MYCT1: variants seen among roughly 807,000 people sequenced by gnomAD.
MYCT1 encodes MYC target 1, also known as myc target protein 1.
In MYCT1, 12 loss-of-function variants were observed where a neutral mutation model predicts 15.0. That is an observed-to-expected ratio of 0.80 (90% CI 0.51 to 1.29). The LOEUF (loss-of-function observed/expected upper bound fraction) is 1.29. MYCT1 is among the 50% of genes most tolerant of loss of function. The probability of loss-of-function intolerance (pLI) is 0.00; values close to 1 mark genes in which losing one functional copy is unlikely to be tolerated. For missense variants in MYCT1, 287 were observed against 279.1 expected (o/e 1.03, Z -0.20); for synonymous variants, 104 against 102.7 (o/e 1.01, Z -0.07).
At chr6:152,727,210 CAA>C (rs1187850671), downstream of MYCT1, among the ~76,000 whole-genome samples, 5 of 78,246 alleles carry the variant, frequency 6.4e-5, no homozygotes, top group Admixed American at 1.4e-4. Flanking sequence ...GACTCAGTCT[CAA>C]AAAAAAAAAA....
the MYCT1 span, among the ~76,000 whole-genome samples, chr6:152,740,356 A>G: frequency 5.3e-5 from 8 of 152,094 alleles, no homozygotes; most frequent in Non-Finnish European, 1.2e-4. Flanking sequence ...GGCCGGAAAT[A>G]TTATAATTAT....
chr6:152,707,454 C>T (rs1447783001), intron 1 of MYCT1, among the ~76,000 whole-genome samples: 2 of 151,970 alleles, frequency 1.3e-5, no homozygotes, highest in East Asian at 3.8e-4. Context: ...ATTCTGTAGG[C>T]GTCTCTTCTC....
chr6:152,728,086 T>C (rs573948948), downstream of MYCT1, among the ~76,000 whole-genome samples: 3 of 150,104 alleles, frequency 2.0e-5, no homozygotes, highest in East Asian at 5.9e-4. Flanking sequence ...ATCCCTTGAA[T>C]CTAGAAGGCA....
chr6:152,732,834 A>T, the MYCT1 span, among the ~76,000 whole-genome samples: 2 of 152,318 alleles, frequency 1.3e-5, no homozygotes, highest in East Asian at 3.9e-4. Flanking sequence ...CCACAAGCCA[A>T]GGAATGCCAG....
intron 1 of MYCT1, among the ~76,000 whole-genome samples, chr6:152,714,182 C>T (rs1164510493): frequency 1.3e-5 from 2 of 151,860 alleles, no homozygotes; most frequent in Non-Finnish European, 2.9e-5. Context: ...CTCCTGCCCA[C>T]TCTTTTTCCC....
At chr6:152,746,421 G>A in the MYCT1 span, among the ~76,000 whole-genome samples, 1 of 152,220 alleles carries the variant, frequency 6.6e-6, no homozygotes, top group African/African-American at 2.4e-5. Flanking sequence ...GGACTGGGCA[G>A]GATGGCAGAA....
chr6:152,740,644 C>T, the MYCT1 span, among the ~76,000 whole-genome samples: 1 of 152,172 alleles, frequency 6.6e-6, no homozygotes, highest in Admixed American at 6.5e-5. Context: ...TTACTCTCTT[C>T]CAAAAGAGGC....
chr6:152,744,534 A>T, the MYCT1 span, among the ~76,000 whole-genome samples: 1 of 152,188 alleles, frequency 6.6e-6, no homozygotes, highest in African/African-American at 2.4e-5. Flanking sequence ...GTAGCGAGTA[A>T]TCCATGAATG....
intron 1 of MYCT1, among the ~76,000 whole-genome samples, chr6:152,720,113 T>G (rs1053868566): frequency 6.6e-6 from 1 of 151,866 alleles, no homozygotes; most frequent in Non-Finnish European, 1.5e-5. Flanking sequence ...AGCATCTGAA[T>G]TATCTAGGAT....
In MYCT1 at chr6:152,723,819, T is replaced by G. The variant is rs2099725142; in HGVS notation, c.*1566T>G. ...TTACTCAAAAAGTCTGTGGTTCATT[T>G]CCAGTATTGTGAATATTTAGTTTAT... On this transcript the variant is annotated 3_prime_UTR_variant, in exon 2 of 2. Coordinates refer to ENST00000367245, the MANE Select transcript of MYCT1 (RefSeq NM_025107.3). 6.6e-6 allele frequency: 1 copy of G among 152,186 alleles called. No individual in the cohort carries two copies. Among genetic ancestry groups the G allele is most frequent in the Admixed American group, 6.5e-5 (1 of 15,272 alleles). 9.4% of individuals were successfully genotyped at this position (152,186 alleles called of 1,614,324 possible).
chr6:152,730,418 A>G, the MYCT1 span, among the ~76,000 whole-genome samples: 1 of 152,234 alleles, frequency 6.6e-6, no homozygotes, highest in African/African-American at 2.4e-5. Flanking sequence ...AACAAGATAC[A>G]CAGACATTGT....
intron 1 of MYCT1, among the ~76,000 whole-genome samples, chr6:152,708,708 T>G (rs2099722709): frequency 6.6e-6 from 1 of 152,118 alleles, no homozygotes; most frequent in Non-Finnish European, 1.5e-5. Context: ...CTATATTTAC[T>G]CTGATACTAT....
chr6:152,709,115 T>G, intron 1 of MYCT1, among the ~76,000 whole-genome samples: 1 of 16,072 alleles, frequency 6.2e-5, no homozygotes, highest in African/African-American at 1.4e-4. Context: ...CGGTGTTTGG[T>G]TTTTTGTTCT....
chr6:152,742,004 C>G, the MYCT1 span, among the ~76,000 whole-genome samples: 3 of 152,136 alleles, frequency 2.0e-5, no homozygotes, highest in Non-Finnish European at 4.4e-5. Flanking sequence ...GACTTGAGGT[C>G]CAAACCAAAT....
At position 152,722,345 on chromosome 6, in the gene MYCT1, C is replaced by T; in HGVS notation, c.*92C>T. 6.2e-6 allele frequency: 8 copies of T among 1,291,510 alleles called. No individual in the cohort carries two copies. Among genetic ancestry groups the T allele is most frequent in the Non-Finnish European group, 7.4e-6 (7 of 947,942 alleles). 80.0% of individuals were successfully genotyped at this position (1,291,510 alleles called of 1,614,324 possible). A position where few individuals can be genotyped will look rare whatever the true frequency, so the allele number is the denominator to read the frequency against. The stretch of plus-strand genomic sequence containing the variant: ...GCTAAACAGAATTTTGAGGGCATGG[C>T]CCAAATAACTCATGAGTTCCAAGTT... On this transcript the variant is annotated 3_prime_UTR_variant, in exon 2 of 2. Coordinates refer to ENST00000367245, the MANE Select transcript of MYCT1 (RefSeq NM_025107.3).
downstream of MYCT1, among the ~76,000 whole-genome samples, chr6:152,725,194 G>T (rs2129071296): frequency 6.6e-6 from 1 of 151,972 alleles, no homozygotes; most frequent in South Asian, 2.1e-4. Context: ...AACAAAAAAA[G>T]AAGAAAGAAG....
At chr6:152,725,951 T>C (rs1218112635), downstream of MYCT1, among the ~76,000 whole-genome samples, 1 of 152,184 alleles carries the variant, frequency 6.6e-6, no homozygotes, top group Non-Finnish European at 1.5e-5. Flanking sequence ...GAACTGCCAC[T>C]GAGAGACCTC....
At chr6:152,725,192 AAG>A (rs1172324696), downstream of MYCT1, among the ~76,000 whole-genome samples, 1 of 152,156 alleles carries the variant, frequency 6.6e-6, no homozygotes, top group African/African-American at 2.4e-5. Flanking sequence ...AAAACAAAAA[AAG>A]AAGAAAGAAG....
chr6:152,745,349 G>A, the MYCT1 span, among the ~76,000 whole-genome samples: 1 of 152,116 alleles, frequency 6.6e-6, no homozygotes, highest in Non-Finnish European at 1.5e-5. Context: ...TGTAATCTTG[G>A]CGGCATGGGA....
Sources: allele counts gnomAD v4.1 joint callset (sites outside exome capture counted in the v4.1 genomes callset), GRCh38; gene constraint gnomAD v4.1.1; transcripts MANE v1.5; gene names NCBI Gene and HGNC (gene_info 2026-07-23, HGNC 2026-07-21).